The following HOXA3 variants were observed in gnomAD, a reference collection of about 807,000 sequenced individuals.
The protein encoded by HOXA3 is homeobox A3, also known as homeobox protein Hox-A3.
A neutral mutation model predicts 30.3 loss-of-function variants in HOXA3; 8 were observed. The observed-to-expected ratio is 0.26, with a 90% CI of 0.15 to 0.48. The LOEUF is 0.48. Among genes scored for constraint, HOXA3 ranks in the 20% least tolerant of loss-of-function variants. The pLI is 0.99. For missense variants in HOXA3, 653 were observed against 614.4 expected (o/e 1.06, Z -0.66); for synonymous variants, 323 against 273.1 (o/e 1.18, Z -1.80).
At chr7:27,130,916 T>C (rs1583397799) in intron 2 of HOXA3, 1 of 622,322 alleles carries the variant, frequency 1.6e-6, no homozygotes, top group African/African-American at 2.2e-5. Flanking sequence ...TTCGAGCCGC[T>C]CCTCCCCAGC....
Position 27,110,246 on chromosome 7 carries a change from C to T in HOXA3, c.395G>A (p.Ser132Asn). 7 of 1,610,388 alleles carry T rather than the reference C, an allele frequency of 4.3e-6. No homozygotes were observed. The highest frequency in any genetic ancestry group is 5.9e-6 in the Non-Finnish European group (7 of 1,178,924). The change falls in exon 5 of 6, where the codon AGC becomes AAC. Residue 132 changes from serine (S) to asparagine (N), a missense_variant. By Grantham distance (46) the Ser-to-Asn change is conservative. Coordinates refer to ENST00000612286, the MANE Select transcript of HOXA3 (RefSeq NM_153631.3). Reference sequence around the variant, plus strand: ...CGCGTTGGCAGGGGTAGGGTTGTTGCTGGCATTCTGAGGAGGGGAGGCAGA... The same window carrying T: ...CGCGTTGGCAGGGGTAGGGTTGTTGTTGGCATTCTGAGGAGGGGAGGCAGA... ...PSSASPPQNA[S>N]NNPTPANAAK...
chr7:27,131,331 AT>A (rs916234142), intron 2 of HOXA3, among the ~76,000 whole-genome samples: 1 of 151,888 alleles, frequency 6.6e-6, no homozygotes, highest in Non-Finnish European at 1.5e-5. Flanking sequence ...CACCAGACAC[AT>A]TTTCTCAACC....
intron 1 of HOXA3, chr7:27,145,710 A>G (rs375876584): frequency 1.4e-5 from 23 of 1,614,026 alleles, no homozygotes; most frequent in Non-Finnish European, 1.9e-5. Context: ...CGTGGAATTG[A>G]TGAGCTTGTT....
At chr7:27,119,880 G>A (rs1233852295) in intron 4 of HOXA3, among the ~76,000 whole-genome samples, 6 of 152,130 alleles carry the variant, frequency 3.9e-5, no homozygotes, top group African/African-American at 1.4e-4. Context: ...TTCAATCTGT[G>A]GTGTAGCTGG....
intron 4 of HOXA3, among the ~76,000 whole-genome samples, chr7:27,114,863 A>ATATATATTATATATATTATATATT: frequency 3.1e-5 from 1 of 32,084 alleles, no homozygotes; most frequent in Non-Finnish European, 7.8e-5. Flanking sequence ...TTATATATAT[A>ATATATATTATATATATTATATATT]ATATATATTA....
At chr7:27,135,654 A>C (rs1339366347) in intron 2 of HOXA3, among the ~76,000 whole-genome samples, 1 of 152,240 alleles carries the variant, frequency 6.6e-6, no homozygotes, top group East Asian at 1.9e-4. Context: ...GTGTACTAAA[A>C]AGACAAAAAA....
At chr7:27,120,265 G>A (rs952884534) in intron 4 of HOXA3, among the ~76,000 whole-genome samples, 2 of 152,102 alleles carry the variant, frequency 1.3e-5, no homozygotes, top group Admixed American at 6.5e-5. Flanking sequence ...TAAATTGTCC[G>A]GGTGCGGTGG....
chr7:27,119,761 A>T (rs1462820614), intron 4 of HOXA3, among the ~76,000 whole-genome samples: 1 of 152,192 alleles, frequency 6.6e-6, no homozygotes, highest in East Asian at 1.9e-4. Flanking sequence ...AAGGCCTTTC[A>T]TAAGAGAACT....
At chr7:27,141,868 G>A (rs1439038784) in intron 1 of HOXA3, 4 of 1,614,174 alleles carry the variant, frequency 2.5e-6, no homozygotes, top group African/African-American at 1.3e-5. Flanking sequence ...CCGCGGCCAT[G>A]CTCATGCTTT....
chr7:27,129,446 T>A, intron 2 of HOXA3: 1 of 1,614,150 alleles, frequency 6.2e-7, no homozygotes, highest in Non-Finnish European at 8.5e-7. Flanking sequence ...GTGTGGGCGA[T>A]CTCGATGCGG....
Position 27,110,771 on chromosome 7 carries a change from G to A in HOXA3, c.-120-11C>T. 5 of 1,414,874 alleles carry A rather than the reference G, an allele frequency of 3.5e-6. 1 individual carries two copies. In the South Asian group the frequency reaches 5.0e-5, roughly 14 times the overall value. 87.6% of individuals were successfully genotyped at this position (1,414,874 alleles called of 1,614,324 possible). On this transcript the variant is annotated splice_polypyrimidine_tract_variant and intron_variant, in intron 4 of 5. Coordinates refer to ENST00000612286, the MANE Select transcript of HOXA3 (RefSeq NM_153631.3). ...CCGCCCCGCGCAGACCTGGTGGGGCGAGAAGCGCAGCGCGGTGAGGGCTCC... is the reference window on the plus strand; with the variant it reads ...CCGCCCCGCGCAGACCTGGTGGGGCAAGAAGCGCAGCGCGGTGAGGGCTCC...
chr7:27,119,244 GC>G (rs1784892356), intron 4 of HOXA3, among the ~76,000 whole-genome samples: 1 of 145,688 alleles, frequency 6.9e-6, no homozygotes. Flanking sequence ...CTCTCCACAG[GC>G]AGGTCTGTCC....
At chr7:27,149,939 G>A (rs575140788) in intron 1 of HOXA3, 2 of 152,250 alleles carry the variant, frequency 1.3e-5, no homozygotes, top group South Asian at 2.1e-4. Context: ...ATAGTGGTGG[G>A]TCAGTGTCAA....
At chr7:27,132,772 A>G (rs1201258026) in intron 2 of HOXA3, among the ~76,000 whole-genome samples, 1 of 152,252 alleles carries the variant, frequency 6.6e-6, no homozygotes, top group Non-Finnish European at 1.5e-5. Flanking sequence ...AAAATGTAAT[A>G]TAAATAATAT....
chr7:27,129,594 T>C (rs1462365545), intron 2 of HOXA3: 1 of 1,606,596 alleles, frequency 6.2e-7, no homozygotes, highest in East Asian at 2.2e-5. Context: ...AACCCCGAAA[T>C]AGAAGGCCAA....
intron 1 of HOXA3, chr7:27,147,542 C>A (rs757123336): frequency 6.2e-7 from 1 of 1,614,156 alleles, no homozygotes; most frequent in Non-Finnish European, 8.5e-7. Flanking sequence ...TCGTAGGACG[C>A]CCGGTTGCAG....
intron 1 of HOXA3, chr7:27,147,361 C>G: frequency 1.2e-6 from 2 of 1,614,198 alleles, no homozygotes; most frequent in Middle Eastern, 1.6e-4. Flanking sequence ...CGTGTACTTC[C>G]GGTCGGCGCC....
intron 2 of HOXA3, chr7:27,130,034 T>G: frequency 2.1e-6 from 3 of 1,443,558 alleles, no homozygotes; most frequent in Non-Finnish European, 2.8e-6. Flanking sequence ...CCCCTTCCCC[T>G]GAGCCTCTCC....
intron 1 of HOXA3, chr7:27,145,467 GTTTTGT>G: frequency 1.4e-6 from 1 of 709,190 alleles, no homozygotes; most frequent in East Asian, 2.6e-5. Flanking sequence ...GTTTTGTTTT[GTTTTGT>G]TTTGTTTTGT....
Sources: allele counts gnomAD v4.1 joint callset (sites outside exome capture counted in the v4.1 genomes callset), GRCh38; gene constraint gnomAD v4.1.1; transcripts MANE v1.5; gene names NCBI Gene and HGNC (gene_info 2026-07-23, HGNC 2026-07-21).